Variants in PTPRT observed in about 807,000 individuals in gnomAD.
The protein encoded by PTPRT is protein tyrosine phosphatase receptor type T.
Under a neutral mutation model 176.8 loss-of-function variants are expected in PTPRT, and 56 were observed. The ratio of observed to expected loss-of-function variants is 0.32; its 90% CI spans 0.26 to 0.40. The LOEUF (loss-of-function observed/expected upper bound fraction) is 0.40. Ranked by LOEUF, PTPRT falls within the 10% of genes least tolerant of loss-of-function variation. The pLI, the probability that PTPRT is intolerant of heterozygous loss-of-function variation, is 1.00. For synonymous variants in PTPRT, 783 were observed against 739.0 expected (o/e 1.06, Z -0.96); for missense variants, 1,540 against 1,908.2 (o/e 0.81, Z 3.60).
chr20:42,507,979 C>A (rs371464215), intron 7 of PTPRT, among the ~76,000 whole-genome samples: 1 of 151,886 alleles, frequency 6.6e-6, no homozygotes, highest in African/African-American at 2.4e-5. Context: ...CTTGATGCAG[C>A]CTGGCACTTT....
At chr20:43,106,666 GAAAAAAAAAA>G (rs71193676) in intron 1 of PTPRT, among the ~76,000 whole-genome samples, 5 of 87,014 alleles carry the variant, frequency 5.7e-5, no homozygotes, top group African/African-American at 2.3e-4. Flanking sequence ...CTCAAAAAAA[GAAAAAAAAAA>G]AAAAAAAAAA....
At chr20:43,063,713 C>A (rs1263746822) in intron 1 of PTPRT, 1 of 152,182 alleles carries the variant, frequency 6.6e-6, no homozygotes, top group African/African-American at 2.4e-5. Flanking sequence ...GAATTGAGAG[C>A]CTTCTAAAGA....
intron 1 of PTPRT, among the ~76,000 whole-genome samples, chr20:43,033,951 T>G (rs1986260031): frequency 6.6e-6 from 1 of 152,142 alleles, no homozygotes; most frequent in South Asian, 2.1e-4. Context: ...GCCTTCACCT[T>G]CATAATCCCA....
chr20:42,884,868 CA>C (rs2079077574), intron 2 of PTPRT, among the ~76,000 whole-genome samples: 1 of 152,152 alleles, frequency 6.6e-6, no homozygotes, highest in South Asian at 2.1e-4. Flanking sequence ...TTCACTTTCT[CA>C]GAGTCACAAC....
intron 1 of PTPRT, among the ~76,000 whole-genome samples, chr20:43,041,700 C>A (rs1349910322): frequency 1.3e-5 from 2 of 152,200 alleles, no homozygotes; most frequent in African/African-American, 4.8e-5. Context: ...GCCAAATATT[C>A]TTGTTGTCAT....
intron 1 of PTPRT, among the ~76,000 whole-genome samples, chr20:43,143,742 G>C (rs1014308341): frequency 6.6e-6 from 1 of 152,208 alleles, no homozygotes; most frequent in African/African-American, 2.4e-5. Context: ...GAAGCAAGTA[G>C]ACACAGAAAG....
At chr20:42,809,614 G>GT (rs1296954032) in intron 2 of PTPRT, among the ~76,000 whole-genome samples, 2 of 152,192 alleles carry the variant, frequency 1.3e-5, no homozygotes, top group Non-Finnish European at 2.9e-5. Context: ...CGGCAGGGCC[G>GT]TGGGGGAAGT....
intron 9 of PTPRT, among the ~76,000 whole-genome samples, chr20:42,394,042 C>CTTT (rs200838113): frequency 1.4e-5 from 2 of 138,502 alleles, no homozygotes; most frequent in Admixed American, 7.3e-5. Flanking sequence ...TGTGACAGGT[C>CTTT]TTTTTTTTTT....
chr20:42,199,142 G>A, intron 16 of PTPRT, 98 bp downstream of exon 16: 2 of 1,427,890 alleles, frequency 1.4e-6, no homozygotes, highest in South Asian at 1.4e-5. Context: ...CATACCCTAT[G>A]CCTGGCAGCA....
chr20:42,746,467 T>C (rs1317394809), intron 6 of PTPRT, among the ~76,000 whole-genome samples: 2 of 152,212 alleles, frequency 1.3e-5, no homozygotes, highest in East Asian at 1.9e-4. Flanking sequence ...TTCATAGCCA[T>C]GGCCTCTGAC....
At chr20:42,888,909 TA>T (rs922168504) in intron 1 of PTPRT, among the ~76,000 whole-genome samples, 28 of 152,134 alleles carry the variant, frequency 1.8e-4, no homozygotes, top group African/African-American at 9.6e-5. Context: ...GTGTTGATGC[TA>T]AAAAAAACAA....
intron 7 of PTPRT, among the ~76,000 whole-genome samples, chr20:42,651,383 C>A (rs990308271): frequency 6.6e-6 from 1 of 152,194 alleles, no homozygotes; most frequent in Non-Finnish European, 1.5e-5. Context: ...TACTTACCAA[C>A]AACTGTCATG....
intron 15 of PTPRT, among the ~76,000 whole-genome samples, chr20:42,204,468 G>A (rs564138895): frequency 6.6e-6 from 1 of 152,244 alleles, no homozygotes; most frequent in East Asian, 1.9e-4. Context: ...TCGCCAGCAG[G>A]GGGTACCAAA....
At chr20:42,163,872 C>T (rs765628329) in intron 16 of PTPRT, among the ~76,000 whole-genome samples, 3 of 152,236 alleles carry the variant, frequency 2.0e-5, no homozygotes, top group Non-Finnish European at 2.9e-5. Context: ...TCTTTAAAGA[C>T]TCACACTGTT....
intron 15 of PTPRT, 71 bp downstream of exon 15, chr20:42,236,158 G>T (rs2056237585): frequency 2.3e-6 from 3 of 1,298,272 alleles, no homozygotes; most frequent in Non-Finnish European, 3.3e-6. Context: ...ACACTTGGTT[G>T]GTGCAGGAAA....
chr20:42,476,215 G>T (rs189319226), intron 7 of PTPRT, among the ~76,000 whole-genome samples: 77 of 152,304 alleles, frequency 5.1e-4, no homozygotes, highest in African/African-American at 1.8e-3. Context: ...AAGCTTGTGT[G>T]GGGTAGAAGC....
intron 5 of PTPRT, among the ~76,000 whole-genome samples, chr20:42,768,375 G>T (rs2077015290): frequency 6.6e-6 from 1 of 152,154 alleles, no homozygotes; most frequent in Non-Finnish European, 1.5e-5. Context: ...AAACAGGCCT[G>T]TGAAACTCAC....
chr20:42,239,954 G>A (rs1488415489), intron 14 of PTPRT, among the ~76,000 whole-genome samples: 1 of 152,182 alleles, frequency 6.6e-6, no homozygotes, highest in Non-Finnish European at 1.5e-5. Context: ...TGGACCAGTT[G>A]CAAGGCCTCC....
chr20:42,670,526 A>G (rs540100547), intron 7 of PTPRT, among the ~76,000 whole-genome samples: 71 of 152,364 alleles, frequency 4.7e-4, no homozygotes, highest in African/African-American at 1.7e-3. Flanking sequence ...AGAGAGAGGT[A>G]GACACATATC....
Sources: allele counts gnomAD v4.1 joint callset (sites outside exome capture counted in the v4.1 genomes callset), GRCh38; gene constraint gnomAD v4.1.1; transcripts MANE v1.5; gene names NCBI Gene and HGNC (gene_info 2026-07-23, HGNC 2026-07-21).